The following ITGA2 variants were observed in gnomAD, a reference collection of about 807,000 sequenced individuals.
The protein encoded by ITGA2 is integrin subunit alpha 2.
In ITGA2, 101 loss-of-function variants were observed where a neutral mutation model predicts 146.3. The ratio of observed to expected loss-of-function variants is 0.69; its 90% confidence interval spans 0.59 to 0.81. The LOEUF is 0.81. Among genes scored for constraint, ITGA2 ranks in the 40% least tolerant of loss-of-function variants. The pLI is 0.00. For missense variants in ITGA2, 1,281 were observed against 1,402.7 expected (o/e 0.91, Z 1.39); for synonymous variants, 477 against 487.1 (o/e 0.98, Z 0.27).
intron 1 of ITGA2, among the ~76,000 whole-genome samples, chr5:53,007,971 T>G (rs1741939409): frequency 6.6e-6 from 1 of 152,198 alleles, no homozygotes; most frequent in African/African-American, 2.4e-5. Flanking sequence ...TTATTGTATA[T>G]CTGTCCTTAT....
intron 27 of ITGA2, among the ~76,000 whole-genome samples, chr5:53,084,583 G>T (rs762152505): frequency 7.2e-5 from 11 of 152,150 alleles, no homozygotes; most frequent in African/African-American, 4.8e-5. Flanking sequence ...TGGCTTGCTT[G>T]CTTGCTTTTA....
At chr5:53,009,671 A>G (rs978592057) in intron 1 of ITGA2, among the ~76,000 whole-genome samples, 1 of 152,090 alleles carries the variant, frequency 6.6e-6, no homozygotes, top group Non-Finnish European at 1.5e-5. Context: ...TATATTTTAT[A>G]TATATATGCT....
chr5:53,028,960 A>G (rs1379103053), intron 2 of ITGA2, among the ~76,000 whole-genome samples: 6 of 152,152 alleles, frequency 3.9e-5, no homozygotes, highest in Non-Finnish European at 8.8e-5. Flanking sequence ...TCTTTGCTCT[A>G]GCCAGTGTGA....
Position 53,075,220 on chromosome 5 carries a change from G to A in ITGA2, c.2742-1G>A. 1 of 1,612,238 alleles carries A rather than the reference G, an allele frequency of 6.2e-7. No homozygotes were observed. Among genetic ancestry groups the A allele is most frequent in the Non-Finnish European group, 8.5e-7 (1 of 1,178,936 alleles). On this transcript the variant is annotated splice_acceptor_variant, in intron 22 of 29. Transcript: ENST00000296585. LOFTEE classifies it high-confidence loss of function. Reference sequence around the variant, plus strand: ...TAATTTCCTAATGTTTCTTTCTATAGTGAAAGCCAAGAAGAAAACAAGGCT... The same window carrying A: ...TAATTTCCTAATGTTTCTTTCTATAATGAAAGCCAAGAAGAAAACAAGGCT...
chr5:53,026,647 T>C (rs1742961860), intron 1 of ITGA2, 101 bp from the exon 2 acceptor site: 1 of 1,050,784 alleles, frequency 9.5e-7, no homozygotes, highest in Non-Finnish European at 1.5e-6. Context: ...GTAATAATTA[T>C]TAGGTCAAGC....
At chr5:53,083,299 C>A in intron 26 of ITGA2, 41 bp from the exon 27 acceptor site, 1 of 1,257,506 alleles carries the variant, frequency 8.0e-7, no homozygotes, top group Non-Finnish European at 1.2e-6. Flanking sequence ...TTAACTCTTA[C>A]TAACTTGCTC....
At chr5:53,075,892 A>G (rs1051098576) in intron 23 of ITGA2, among the ~76,000 whole-genome samples, 1 of 151,976 alleles carries the variant, frequency 6.6e-6, no homozygotes, top group Non-Finnish European at 1.5e-5. Flanking sequence ...TTTCCAAAGG[A>G]TGTTATCCAT....
At chr5:53,030,880 C>A (rs1173020834) in intron 2 of ITGA2, among the ~76,000 whole-genome samples, 1 of 152,200 alleles carries the variant, frequency 6.6e-6, no homozygotes, top group Non-Finnish European at 1.5e-5. Flanking sequence ...AGGCCTGGGT[C>A]ATTAGAGAGA....
At position 53,071,938 on chromosome 5, in the gene ITGA2, G is replaced by A; in HGVS notation, c.2236G>A (p.Glu746Lys). 1.1e-5 allele frequency: 17 copies of A among 1,610,222 alleles called. No homozygotes were observed. Among genetic ancestry groups the A allele is most frequent in the Non-Finnish European group, 1.4e-5 (17 of 1,177,132 alleles). Residue 746 changes from glutamate to lysine, a missense_variant and splice_region_variant, in exon 18 of 30, where the codon GAG (glutamate) becomes AAG (lysine). By Grantham distance (56) the Glu-to-Lys change is moderately conservative. This residue lies in a region of ITGA2 where 475 missense variants were observed against 530.5 expected (regional missense o/e 0.90). Transcript: ENST00000296585. ...SCPEHIIYIQ[E>K]PSDVVNSLDL... ...TATGTTTGTGTGTGTGTATGTTTAG[G>A]AGCCCTCTGATGTTGTCAACTCTTT...
intron 1 of ITGA2, among the ~76,000 whole-genome samples, chr5:53,014,135 T>C (rs759010060): frequency 9.9e-5 from 15 of 152,144 alleles, no homozygotes; most frequent in Non-Finnish European, 1.9e-4. Flanking sequence ...ACCAGTAATA[T>C]GATAAATAGG....
chr5:53,081,721 G>A (rs1483951691), intron 26 of ITGA2, 25 bp downstream of exon 26: 8 of 1,462,348 alleles, frequency 5.5e-6, no homozygotes, highest in Non-Finnish European at 6.7e-6. Context: ...ACGTGTGAAA[G>A]CTCCCCTCAT....
chr5:53,043,701 G>T (rs1009884369), intron 3 of ITGA2, among the ~76,000 whole-genome samples: 1 of 152,164 alleles, frequency 6.6e-6, no homozygotes, highest in Non-Finnish European at 1.5e-5. Context: ...GATACTTTTT[G>T]TAGGGAACAT....
At chr5:53,017,436 A>G (rs1742444430) in intron 1 of ITGA2, among the ~76,000 whole-genome samples, 2 of 152,158 alleles carry the variant, frequency 1.3e-5, no homozygotes, top group Admixed American at 1.3e-4. Flanking sequence ...TGGTCTTTCA[A>G]GGTTAGGCAT....
At chr5:53,090,442 T>A in intron 29 of ITGA2, 77 bp from the exon 30 acceptor site, 2 of 1,199,626 alleles carry the variant, frequency 1.7e-6, no homozygotes, top group Non-Finnish European at 2.5e-6. Flanking sequence ...TCAGAGGACG[T>A]GGGCAGCCAA....
chr5:53,030,056 G>T (rs763100304), intron 2 of ITGA2, among the ~76,000 whole-genome samples: 1 of 152,168 alleles, frequency 6.6e-6, no homozygotes, highest in Non-Finnish European at 1.5e-5. Context: ...AGCCTTTCAA[G>T]GATTGTAAGG....
chr5:53,054,248 C>A (rs550186718), intron 7 of ITGA2, among the ~76,000 whole-genome samples: 7 of 152,224 alleles, frequency 4.6e-5, no homozygotes, highest in Admixed American at 4.6e-4. Context: ...CAGATTGCCC[C>A]ATTTCCTACT....
chr5:53,089,452 A>G (rs1336667325), intron 28 of ITGA2: 1 of 158,818 alleles, frequency 6.3e-6, no homozygotes, highest in Non-Finnish European at 1.4e-5. Context: ...GACCCTTGAG[A>G]TATTATTTCT....
At chr5:53,033,734 A>G (rs1415286414) in intron 2 of ITGA2, among the ~76,000 whole-genome samples, 1 of 151,456 alleles carries the variant, frequency 6.6e-6, no homozygotes, top group Non-Finnish European at 1.5e-5. Context: ...AATAGCTGGA[A>G]TTATAGGCAT....
At chr5:53,013,025 G>A (rs1402701792) in intron 1 of ITGA2, among the ~76,000 whole-genome samples, 3 of 151,928 alleles carry the variant, frequency 2.0e-5, no homozygotes, top group Non-Finnish European at 4.4e-5. Flanking sequence ...CATAGTTTTC[G>A]AATATTCTCT....
Sources: allele counts gnomAD v4.1 joint callset (sites outside exome capture counted in the v4.1 genomes callset), GRCh38; gene constraint gnomAD v4.1.1; regional missense constraint gnomAD v4.1.1; transcripts MANE v1.5; gene names NCBI Gene and HGNC (gene_info 2026-07-23, HGNC 2026-07-21).